Variants in DHCR7 observed in about 807,000 individuals in gnomAD.
DHCR7 encodes the protein 7-DHC reductase.
In DHCR7, 40 loss-of-function variants were observed where a neutral mutation model predicts 43.3. That is an observed-to-expected ratio of 0.92 (90% CI 0.72 to 1.20). The LOEUF (loss-of-function observed/expected upper bound fraction) is 1.20, where lower values mean the gene tolerates loss of function less well. Among genes scored for constraint, DHCR7 ranks in the 50% most tolerant of loss-of-function variants. The pLI is 0.00. For missense variants in DHCR7, 608 were observed against 644.6 expected, an observed-to-expected ratio of 0.94 and a Z score of 0.62; for synonymous variants, 298 against 271.4, an observed-to-expected ratio of 1.10 and a Z score of -0.96.
chr11:71,445,079 A>T, intron 2 of DHCR7, 121 bp from the exon 3 acceptor site: 1 of 791,512 alleles, frequency 1.3e-6, no homozygotes, highest in Admixed American at 1.9e-5. Flanking sequence ...TCTTCCCGGT[A>T]CCTTGTTCCT....
chr11:71,446,484 T>C (rs1949404591), intron 2 of DHCR7, among the ~76,000 whole-genome samples: 1 of 152,188 alleles, frequency 6.6e-6, no homozygotes, highest in Non-Finnish European at 1.5e-5. Context: ...AGGAAATTAC[T>C]TAGAAACAAG....
Position 71,438,888 on chromosome 11 carries a change from G to A in DHCR7, c.822C>T (p.Asn274=), listed in dbSNP as rs139787408. ...CAGCCATGACAGGCACCTGCAGGAC[G>A]TTGACCAGGACCATGGCATTGGTCA... is the stretch of plus-strand genomic sequence containing the variant. ...SHVTNAMVLV[N]VLQAIYVIDF... Residue 274 remains asparagine (N), a synonymous_variant, in exon 7 of 9, where the codon AAC becomes AAT. Coordinates refer to ENST00000355527, the MANE Select transcript of DHCR7 (RefSeq NM_001360.3). 1.9e-5 allele frequency: 31 copies of A among 1,613,782 alleles called. No individual in the cohort carries two copies. The highest frequency in any genetic ancestry group is 2.2e-5 in the East Asian group (1 of 44,860).
At chr11:71,447,497 A>G (rs1277785684) in intron 2 of DHCR7, 113 bp downstream of exon 2, 1 of 152,250 alleles carries the variant, frequency 6.6e-6, no homozygotes, top group Non-Finnish European at 1.5e-5. Flanking sequence ...TTTACTCATA[A>G]GAGGCACAGA....
intron 1 of DHCR7, 65 bp downstream of exon 1, chr11:71,448,225 G>A: frequency 6.5e-6 from 1 of 154,168 alleles, no homozygotes; most frequent in Non-Finnish European, 1.4e-5. Context: ...CTGCTCACCT[G>A]GGCAAGCGCC....
At chr11:71,443,018 G>A (rs1949365050) in intron 4 of DHCR7, among the ~76,000 whole-genome samples, 2 of 152,202 alleles carry the variant, frequency 1.3e-5, no homozygotes, top group South Asian at 4.1e-4. Flanking sequence ...GGATTTGCCT[G>A]TACTGGGTAT....
chr11:71,445,700 G>A (rs1019351199), intron 2 of DHCR7, among the ~76,000 whole-genome samples: 1 of 152,218 alleles, frequency 6.6e-6, no homozygotes, highest in Non-Finnish European at 1.5e-5. Flanking sequence ...AACACAGAAT[G>A]TCTCTAGGTA....
chr11:71,444,333 A>G, intron 3 of DHCR7, 118 bp from the exon 4 acceptor site: 1 of 840,648 alleles, frequency 1.2e-6, no homozygotes, highest in Non-Finnish European at 2.0e-6. Flanking sequence ...CCCATGACAG[A>G]AGGCATTAGC....
chr11:71,435,539 A>G lies in DHCR7; in HGVS notation c.1264T>C (p.Cys422Arg), dbSNP rs750582708. 2.5e-6 allele frequency: 4 copies of G among 1,611,010 alleles called. No homozygotes were observed. The highest frequency in any genetic ancestry group is 3.4e-6 in the Non-Finnish European group (4 of 1,179,746). The change falls in exon 9 of 9, where the codon TGT becomes CGT. Residue 422 changes from cysteine (C) to arginine (R), a missense_variant. Cys to Arg is a radical substitution (Grantham distance 180). Transcript: ENST00000355527. ...TAGGGCAGCAGGTGGCCGCCGCCAC[A>G]GGCCAGGCAGTAGGCCAGGCTGCCC... ...LMGSLAYCLA[C>R]GGGHLLPYFY...
Position 71,444,048 on chromosome 11 carries a change from G to C in DHCR7, c.266C>G (p.Thr89Ser), listed in dbSNP as rs1949376595. Residue 89 changes from threonine (T) to serine (S), a missense_variant, in exon 4 of 9, where the codon ACT (threonine) becomes AGT (serine). Coordinates refer to ENST00000355527, the MANE Select transcript of DHCR7 (RefSeq NM_001360.3). Reference protein sequence around the residue: ...HARLSDIWAKTPPITRKAAQL... With the variant: ...HARLSDIWAKSPPITRKAAQL... ...GGCGGCTTTCCTCGTTATAGGTGGA[G>C]TCTTGGCCCAGATGTCCGAGAGCCG... 2 of 1,613,744 alleles carry C rather than the reference G, an allele frequency of 1.2e-6. No homozygotes were observed. The highest frequency in any genetic ancestry group is 2.7e-5 in the African/African-American group (2 of 74,930).
At position 71,444,096 on chromosome 11, in the gene DHCR7, A is replaced by G; in HGVS notation, c.218T>C (p.Val73Ala). The change falls in exon 4 of 9, where the codon GTG (valine) becomes GCG (alanine). Residue 73 changes from valine to alanine, a missense_variant. Val to Ala is a moderately conservative substitution (Grantham distance 64). Coordinates refer to ENST00000355527, the MANE Select transcript of DHCR7 (RefSeq NM_001360.3). ...CCGAGCATGTCCGGTGACGATGTCC[A>G]CCACAGGGCCAGTCAGGGCGCAGCT... ...QYSCALTGPVVDIVTGHARLS... is the reference protein window; with the variant it reads ...QYSCALTGPVADIVTGHARLS... The G allele has an allele frequency of 1.2e-6, 2 of 1,613,462 alleles. No individual in the cohort carries two copies. The highest frequency in any genetic ancestry group is 1.7e-6 in the Non-Finnish European group (2 of 1,179,772).
chr11:71,428,682 C>T (rs1419208419), exon 3 of DHCR7: 6 of 365,946 alleles, frequency 1.6e-5, no homozygotes, highest in Admixed American at 7.4e-5. Context: ...TACAGAGGGC[C>T]GTGGTGAACC....
chr11:71,438,887 C>T lies in DHCR7; in HGVS notation c.823G>A (p.Val275Ile), dbSNP rs775628929. 12 of 1,613,690 alleles carry T rather than the reference C, an allele frequency of 7.4e-6. No individual in the cohort carries two copies. The highest frequency in any genetic ancestry group is 1.6e-4 in the Middle Eastern group (1 of 6,076). The change falls in exon 7 of 9, where the codon GTC becomes ATC. Residue 275 changes from valine (V) to isoleucine (I), a missense_variant. By Grantham distance (29) the Val-to-Ile change is conservative. Transcript: ENST00000355527. ...HVTNAMVLVNVLQAIYVIDFF... is the reference protein window; with the variant it reads ...HVTNAMVLVNILQAIYVIDFF... ...CCAGCCATGACAGGCACCTGCAGGA[C>T]GTTGACCAGGACCATGGCATTGGTC... is the stretch of plus-strand genomic sequence containing the variant.
chr11:71,430,454 C>A (rs994984547), downstream of DHCR7, among the ~76,000 whole-genome samples: 3 of 152,008 alleles, frequency 2.0e-5, no homozygotes, highest in Non-Finnish European at 4.4e-5. Flanking sequence ...GACCCCAAAG[C>A]CCCAGAGGCA....
At chr11:71,444,247 G>A in intron 3 of DHCR7, 32 bp from the exon 4 acceptor site, 1 of 1,539,312 alleles carries the variant, frequency 6.5e-7, no homozygotes, top group South Asian at 1.2e-5. Flanking sequence ...GTCACACTGG[G>A]GCCCATCTGC....
downstream of DHCR7, among the ~76,000 whole-genome samples, chr11:71,427,751 A>T (rs1014593728): frequency 1.2e-4 from 19 of 152,354 alleles, no homozygotes; most frequent in Non-Finnish European, 1.6e-4. Context: ...CAGTGGGGTC[A>T]TGCAGGACAT....
rs1394025873 is a variant in DHCR7 at position 71,435,760 on chromosome 11, T to C, written c.1043A>G (p.Tyr348Cys). 1.2e-6 allele frequency: 2 copies of C among 1,610,866 alleles called. No homozygotes were observed. Among genetic ancestry groups the C allele is most frequent in the East Asian group, 2.2e-5 (1 of 44,794 alleles). ...GTGGTTGGCCACCCGGAAGATGTAGTAGCCCACCAGGCCCAGCAGCAGGAC... is the reference window on the plus strand; with the variant it reads ...GTGGTTGGCCACCCGGAAGATGTAGCAGCCCACCAGGCCCAGCAGCAGGAC... The part of the protein sequence containing the change: ...VGVLLLGLVG[Y>C]YIFRVANHQK... Residue 348 changes from tyrosine (Y) to cysteine (C), a missense_variant, in exon 9 of 9, where the codon TAC becomes TGC. Tyr to Cys is a radical substitution (Grantham distance 194, BLOSUM62 -2). Coordinates refer to ENST00000355527, the MANE Select transcript of DHCR7 (RefSeq NM_001360.3).
chr11:71,440,841 T>G (rs1949340878), intron 6 of DHCR7, among the ~76,000 whole-genome samples: 1 of 152,084 alleles, frequency 6.6e-6, no homozygotes, highest in Admixed American at 6.5e-5. Flanking sequence ...GGGAAGCTGT[T>G]AATTAAAGCC....
intron 4 of DHCR7, 27 bp from the exon 5 acceptor site, chr11:71,442,380 C>A (rs369003191): frequency 1.1e-5 from 18 of 1,575,244 alleles, no homozygotes; most frequent in Non-Finnish European, 1.5e-5. Context: ...GCCTGATCAC[C>A]CCCCGCCTGG....
At chr11:71,441,503 G>T in intron 5 of DHCR7, 63 bp from the exon 6 acceptor site, 1 of 1,366,852 alleles carries the variant, frequency 7.3e-7, no homozygotes. Flanking sequence ...GCTTGGCTGG[G>T]CTGAAGCATG....
Sources: gnomAD v4.1 joint callset for allele counts (sites outside exome capture counted in the v4.1 genomes callset) on GRCh38, gnomAD v4.1.1 for gene constraint, MANE v1.5 for transcripts, NCBI Gene and HGNC (gene_info 2026-07-23, HGNC 2026-07-21) for gene names.